SCAPER: variants seen among roughly 807,000 people sequenced by gnomAD.
The protein encoded by SCAPER is S phase cyclin A-associated protein in the endoplasmic reticulum.
SCAPER carries 98 observed loss-of-function variants against 182.2 expected under a neutral mutation model. That is an observed-to-expected ratio of 0.54 (90% confidence interval 0.46 to 0.64). The LOEUF (loss-of-function observed/expected upper bound fraction) is 0.64, where lower values mean the gene tolerates loss of function less well. Among genes scored for constraint, SCAPER ranks in the 30% least tolerant of loss-of-function variants. The pLI is 0.00. For missense variants in SCAPER, 1,432 were observed against 1,690.0 expected (o/e 0.85, Z 2.68); for synonymous variants, 605 against 564.6 (o/e 1.07, Z -1.01).
intron 8 of SCAPER, among the ~76,000 whole-genome samples, chr15:76,784,133 A>G (rs939419754): frequency 2.0e-5 from 3 of 152,058 alleles, no homozygotes; most frequent in Non-Finnish European, 4.4e-5. Flanking sequence ...TATTTAAAAA[A>G]CCCATCGTCT....
At chr15:76,556,541 G>A (rs770018997) in intron 23 of SCAPER, among the ~76,000 whole-genome samples, 1 of 152,056 alleles carries the variant, frequency 6.6e-6, no homozygotes, top group Non-Finnish European at 1.5e-5. Flanking sequence ...ATGGCAATGG[G>A]GACATTATCA....
At chr15:76,638,882 T>G (rs2053865826) in intron 21 of SCAPER, among the ~76,000 whole-genome samples, 1 of 152,212 alleles carries the variant, frequency 6.6e-6, no homozygotes, top group Admixed American at 6.5e-5. Flanking sequence ...TTAATTTATT[T>G]AATTTTCATA....
chr15:76,465,126 T>C (rs2049502682), intron 25 of SCAPER, among the ~76,000 whole-genome samples: 1 of 152,194 alleles, frequency 6.6e-6, no homozygotes, highest in African/African-American at 2.4e-5. Context: ...ATTTGGATAT[T>C]AACGTCTGAC....
chr15:76,829,655 C>T (rs1372555819), intron 5 of SCAPER, among the ~76,000 whole-genome samples: 2 of 152,220 alleles, frequency 1.3e-5, no homozygotes, highest in East Asian at 1.9e-4. Flanking sequence ...TCCATATACC[C>T]ACCATCTTTG....
At chr15:76,798,196 C>T (rs1378802717) in intron 7 of SCAPER, among the ~76,000 whole-genome samples, 1 of 151,756 alleles carries the variant, frequency 6.6e-6, no homozygotes, top group Non-Finnish European at 1.5e-5. Flanking sequence ...CCTGTCTCTA[C>T]CAAAAATACA....
rs181908075 is a variant in SCAPER, at chr15:76,860,101, T to C, written c.125-2222A>G. Among the ~76,000 whole-genome samples, 325 of 152,332 alleles carry C rather than the reference T, an allele frequency of 2.1e-3. 1 individual carries two copies. The highest frequency in any genetic ancestry group is 3.5e-3 in the Non-Finnish European group (239 of 68,014). ...ATTATTTATGTTCTTGTATGAAAAA[T>C]CGGGTTATGTACAGATGTTTGATTA... is the stretch of plus-strand genomic sequence containing the variant. On this transcript the variant is annotated intron_variant, in intron 3 of 31. Transcript: ENST00000563290.
chr15:76,835,884 G>A (rs563471520), intron 5 of SCAPER, among the ~76,000 whole-genome samples: 16 of 137,516 alleles, frequency 1.2e-4, no homozygotes, highest in South Asian at 2.3e-4. Context: ...CACCAGTAAC[G>A]TTCAACCTGA....
In SCAPER at chr15:76,601,119, G is replaced by A. The variant is rs1289751428; in HGVS notation, c.2711+20645C>T. Among the ~76,000 whole-genome samples, 6 of 122,088 alleles carry A rather than the reference G, an allele frequency of 4.9e-5. 1 individual carries two copies. Among genetic ancestry groups the A allele is most frequent in the African/African-American group, 1.5e-4 (6 of 39,910 alleles). 80.1% of individuals were successfully genotyped at this position (122,088 alleles called of 152,430 possible). On this transcript the variant is annotated intron_variant, in intron 22 of 31. Coordinates refer to ENST00000563290, the MANE Select transcript of SCAPER (RefSeq NM_020843.4). ...TATGCTTTTTATTTAAAAAGTAATG[G>A]TAGTAGACAATATTCTAAAATAAGA...
intron 27 of SCAPER, among the ~76,000 whole-genome samples, chr15:76,387,561 A>G (rs762610649): frequency 1.4e-4 from 21 of 152,356 alleles, no homozygotes; most frequent in Admixed American, 5.2e-4. Context: ...TAGTGAGTCT[A>G]GAGTCTGAGG....
chr15:76,691,278 T>C (rs569466793), intron 20 of SCAPER, among the ~76,000 whole-genome samples: 1 of 152,068 alleles, frequency 6.6e-6, no homozygotes, highest in Non-Finnish European at 1.5e-5. Context: ...CAATACTTAA[T>C]TGAAGAAAAC....
At chr15:76,878,916 C>T (rs2073358287) in intron 2 of SCAPER, among the ~76,000 whole-genome samples, 1 of 152,038 alleles carries the variant, frequency 6.6e-6, no homozygotes, top group African/African-American at 2.4e-5. Context: ...CAAAGAAGTA[C>T]TAAGAATCAG....
intron 25 of SCAPER, among the ~76,000 whole-genome samples, chr15:76,467,955 T>A (rs1203330366): frequency 1.3e-5 from 2 of 152,218 alleles, no homozygotes; most frequent in African/African-American, 4.8e-5. Flanking sequence ...CAGTACCTGA[T>A]GATAATCAGT....
chr15:76,865,004 T>G (rs1242437231), intron 2 of SCAPER, among the ~76,000 whole-genome samples: 3 of 152,210 alleles, frequency 2.0e-5, no homozygotes, highest in Non-Finnish European at 2.9e-5. Flanking sequence ...ATTTTATATA[T>G]GTAAGGATAC....
intron 17 of SCAPER, among the ~76,000 whole-genome samples, chr15:76,708,336 A>G (rs1598290890): frequency 6.6e-6 from 1 of 152,322 alleles, no homozygotes; most frequent in Non-Finnish European, 1.5e-5. Context: ...CTGGATAGAA[A>G]GAGCCAAATG....
chr15:76,799,114 G>C (rs1054530975), intron 7 of SCAPER, among the ~76,000 whole-genome samples: 2 of 152,096 alleles, frequency 1.3e-5, no homozygotes, highest in Non-Finnish European at 2.9e-5. Context: ...AATGTAATTT[G>C]TATGACAATA....
chr15:76,652,881 T>C (rs949565638), intron 21 of SCAPER, among the ~76,000 whole-genome samples: 45 of 151,806 alleles, frequency 3.0e-4, no homozygotes, highest in African/African-American at 1.0e-3. Context: ...GCCAGGGCAA[T>C]CAGGAAAGAG....
chr15:76,849,601 C>A (rs1270372998), intron 4 of SCAPER, among the ~76,000 whole-genome samples: 1 of 152,158 alleles, frequency 6.6e-6, no homozygotes, highest in African/African-American at 2.4e-5. Flanking sequence ...GGGAGAGGAA[C>A]CCACACTTTG....
In SCAPER at chr15:76,363,180, T is replaced by G. The variant is rs542711869; in HGVS notation, c.3856-9040A>C. 3.9e-5 allele frequency among the ~76,000 whole-genome samples: 6 copies of G among 152,336 alleles called. No homozygotes were observed. The South Asian group carries it at 1.2e-3, about 32-fold the overall frequency. On this transcript the variant is annotated intron_variant, in intron 29 of 31. Transcript: ENST00000563290. Reference sequence around the variant, plus strand: ...GCTGTCTGCTCTGTAAGGATAATGGTTAAGCCCCCTATATTCACTGCTGTA... The same window carrying G: ...GCTGTCTGCTCTGTAAGGATAATGGGTAAGCCCCCTATATTCACTGCTGTA...
chr15:76,855,405 A>G (rs1014663819), intron 4 of SCAPER, among the ~76,000 whole-genome samples: 4 of 151,924 alleles, frequency 2.6e-5, no homozygotes, highest in Non-Finnish European at 5.9e-5. Context: ...AATTGACACA[A>G]AAGCAAAATT....
Sources: allele counts gnomAD v4.1 joint callset (sites outside exome capture counted in the v4.1 genomes callset), GRCh38; gene constraint gnomAD v4.1.1; transcripts MANE v1.5; gene names NCBI Gene and HGNC (gene_info 2026-07-23, HGNC 2026-07-21).